Variants in TFPI observed in about 807,000 individuals in gnomAD.
TFPI encodes the protein tissue factor pathway inhibitor.
Under a neutral mutation model 34.6 loss-of-function variants are expected in TFPI, and 15 were observed. The ratio of observed to expected loss-of-function variants is 0.43; its 90% CI spans 0.29 to 0.67. TFPI has a LOEUF of 0.67. Among genes scored for constraint, TFPI ranks in the 30% least tolerant of loss-of-function variants. The pLI is 0.15. For missense variants in TFPI, 301 were observed against 364.0 expected, an observed-to-expected ratio of 0.83 and a Z score of 1.41; for synonymous variants, 105 against 120.1, an observed-to-expected ratio of 0.87 and a Z score of 0.82.
intron 1 of TFPI, among the ~76,000 whole-genome samples, chr2:187,538,268 A>G (rs1341989780): frequency 6.6e-6 from 1 of 152,230 alleles, no homozygotes. Flanking sequence ...TCATTCTACT[A>G]TAAAGACATA....
intron 6 of TFPI, among the ~76,000 whole-genome samples, chr2:187,476,344 T>TTTTA (rs894578562): frequency 2.6e-5 from 4 of 152,012 alleles, no homozygotes; most frequent in Non-Finnish European, 5.9e-5. Flanking sequence ...GATCAACAGA[T>TTTTA]TTTATTTATT....
At chr2:187,524,437 T>C (rs1368734700) in intron 1 of TFPI, among the ~76,000 whole-genome samples, 2 of 152,092 alleles carry the variant, frequency 1.3e-5, no homozygotes, top group Non-Finnish European at 2.9e-5. Context: ...TTTATATATT[T>C]ATGTGTGCTG....
chr2:187,478,083 C>T (rs1692502033), intron 6 of TFPI, among the ~76,000 whole-genome samples: 1 of 152,096 alleles, frequency 6.6e-6, no homozygotes, highest in Non-Finnish European at 1.5e-5. Flanking sequence ...TTCCAAGGCC[C>T]CTCTCAAGAG....
At chr2:187,509,376 C>T (rs921357754) in intron 1 of TFPI, among the ~76,000 whole-genome samples, 2 of 152,108 alleles carry the variant, frequency 1.3e-5, no homozygotes, top group African/African-American at 4.8e-5. Flanking sequence ...AGGAATGGTA[C>T]CATCTCCTCT....
chr2:187,526,279 G>A (rs1559145494), intron 1 of TFPI, among the ~76,000 whole-genome samples: 1 of 152,072 alleles, frequency 6.6e-6, no homozygotes, highest in Non-Finnish European at 1.5e-5. Flanking sequence ...GTTAAGCATG[G>A]GAGCTTAGAT....
At chr2:187,492,033 T>G (rs943918676) in intron 3 of TFPI, among the ~76,000 whole-genome samples, 1 of 152,158 alleles carries the variant, frequency 6.6e-6, no homozygotes, top group African/African-American at 2.4e-5. Context: ...CCTTTGTCCA[T>G]TTTTTAAATG....
At chr2:187,520,550 T>C (rs1256157816) in intron 1 of TFPI, 1 of 152,246 alleles carries the variant, frequency 6.6e-6, no homozygotes, top group Non-Finnish European at 1.5e-5. Flanking sequence ...ACCTTCTGCG[T>C]TGATCTCTGC....
intron 1 of TFPI, among the ~76,000 whole-genome samples, chr2:187,507,977 T>C (rs1181530146): frequency 6.6e-6 from 1 of 152,234 alleles, no homozygotes; most frequent in Non-Finnish European, 1.5e-5. Flanking sequence ...CATCTTGAGT[T>C]AATTTTTGCA....
chr2:187,511,723 T>C (rs1300648013), intron 1 of TFPI, among the ~76,000 whole-genome samples: 1 of 152,052 alleles, frequency 6.6e-6, no homozygotes, highest in Non-Finnish European at 1.5e-5. Context: ...CCAGTTCCTG[T>C]ACATAGACAC....
rs141450528 is a variant in TFPI, at chr2:187,551,216, C to A, written c.-3+2984G>T. ...CAATAATTCCAAGTCTACACAGAGA[C>A]CTGTGGTCCATCACATGGAACAATT... On this transcript the variant is annotated intron_variant, in intron 1 of 7. Transcript: ENST00000233156. 2.7e-3 allele frequency among the ~76,000 whole-genome samples: 411 copies of A among 152,236 alleles called. 5 individuals carry two copies. Among genetic ancestry groups the A allele is most frequent in the African/African-American group, 9.6e-3 (397 of 41,562 alleles).
chr2:187,543,705 ATTAACT>A (rs925633242), intron 1 of TFPI, among the ~76,000 whole-genome samples: 5 of 152,222 alleles, frequency 3.3e-5, no homozygotes, highest in African/African-American at 1.2e-4. Context: ...TGGTGATTCC[ATTAACT>A]TTATAGTGTT....
intron 2 of TFPI, among the ~76,000 whole-genome samples, chr2:187,497,803 A>G (rs1426947221): frequency 1.3e-5 from 2 of 151,948 alleles, no homozygotes; most frequent in African/African-American, 4.8e-5. Flanking sequence ...TAGATTTTTT[A>G]AACATTTTAT....
intron 1 of TFPI, among the ~76,000 whole-genome samples, chr2:187,543,402 G>A (rs763224770): frequency 6.6e-6 from 1 of 152,132 alleles, no homozygotes; most frequent in Non-Finnish European, 1.5e-5. Flanking sequence ...TTGAAATGCT[G>A]TACACAAAAA....
At chr2:187,552,383 CT>C in intron 1 of TFPI, among the ~76,000 whole-genome samples, 1 of 152,058 alleles carries the variant, frequency 6.6e-6, no homozygotes, top group African/African-American at 2.4e-5. Context: ...CAAAAGATTT[CT>C]AAAGATTAGA....
chr2:187,494,416 T>C (rs1685331284), intron 3 of TFPI, among the ~76,000 whole-genome samples: 1 of 152,234 alleles, frequency 6.6e-6, no homozygotes, highest in African/African-American at 2.4e-5. Context: ...TGGTTCTGAA[T>C]GCCTTCACAC....
chr2:187,481,668 G>A (rs1423285106), intron 6 of TFPI, among the ~76,000 whole-genome samples: 5 of 151,450 alleles, frequency 3.3e-5, no homozygotes, highest in Admixed American at 2.0e-4. Flanking sequence ...GGGGAGGGGC[G>A]GGGAAGGGAA....
At chr2:187,537,893 A>C (rs1688351115) in intron 1 of TFPI, among the ~76,000 whole-genome samples, 2 of 145,404 alleles carry the variant, frequency 1.4e-5, no homozygotes, top group Admixed American at 1.4e-4. Context: ...AATTTACAAG[A>C]AAAAAACAAC....
intron 1 of TFPI, among the ~76,000 whole-genome samples, chr2:187,510,226 T>C (rs1284327951): frequency 6.6e-6 from 1 of 152,238 alleles, no homozygotes; most frequent in African/African-American, 2.4e-5. Flanking sequence ...CCACCAGTCC[T>C]AATCTATAAC....
intron 5 of TFPI, 159 bp downstream of exon 5, chr2:187,484,652 T>C: frequency 1.7e-6 from 1 of 592,660 alleles, no homozygotes; most frequent in Non-Finnish European, 2.7e-6. Context: ...TTCTGTGCTT[T>C]TTAAAAAACT....
Sources: gnomAD v4.1 joint callset for allele counts (sites outside exome capture counted in the v4.1 genomes callset) on GRCh38, gnomAD v4.1.1 for gene constraint, MANE v1.5 for transcripts, NCBI Gene and HGNC (gene_info 2026-07-23, HGNC 2026-07-21) for gene names.